Variants in XPR1 observed in about 807,000 individuals in gnomAD.
XPR1 encodes the protein xenotropic and polytropic retrovirus receptor 1.
XPR1 carries 28 observed loss-of-function variants against 87.5 expected under a neutral mutation model. The observed-to-expected ratio is 0.32, with a 90% CI of 0.24 to 0.44. The LOEUF (loss-of-function observed/expected upper bound fraction) is 0.44, where lower values mean the gene tolerates loss of function less well. Ranked by LOEUF, XPR1 falls within the 20% of genes least tolerant of loss-of-function variation. The pLI is 1.00. For missense variants in XPR1, 559 were observed against 862.3 expected, an observed-to-expected ratio of 0.65 and a Z score of 4.41; for synonymous variants, 300 against 306.1, an observed-to-expected ratio of 0.98 and a Z score of 0.21.
intron 1 of XPR1, among the ~76,000 whole-genome samples, chr1:180,642,174 T>TA (rs2101896285): frequency 6.6e-6 from 1 of 152,254 alleles, no homozygotes; most frequent in South Asian, 2.1e-4. Flanking sequence ...ACCGAGGAAT[T>TA]ATGCTGAGGC....
At chr1:180,713,417 C>A (rs1200408667) in intron 2 of XPR1, among the ~76,000 whole-genome samples, 39 of 152,084 alleles carry the variant, frequency 2.6e-4, no homozygotes, top group Admixed American at 2.6e-3. Context: ...TCTATATAGA[C>A]CAAGTGTCAT....
chr1:180,837,125 T>A (rs956178030), intron 11 of XPR1, among the ~76,000 whole-genome samples: 2 of 152,202 alleles, frequency 1.3e-5, no homozygotes, highest in African/African-American at 2.4e-5. Flanking sequence ...TAGTAAGAAT[T>A]GTTTCCAGCC....
intron 2 of XPR1, among the ~76,000 whole-genome samples, chr1:180,769,455 T>TTCTCTCTCTCTC (rs113535211): frequency 5.1e-5 from 6 of 118,682 alleles, no homozygotes; most frequent in Admixed American, 1.7e-4. Context: ...TAACCATCCT[T>TTCTCTCTCTCTC]TCTCTCTCTC....
chr1:180,664,835 G>A (rs1162875139), intron 1 of XPR1, among the ~76,000 whole-genome samples: 1 of 152,150 alleles, frequency 6.6e-6, no homozygotes, highest in Non-Finnish European at 1.5e-5. Flanking sequence ...GTTTCCGGAT[G>A]AAACTGTTCT....
At position 180,632,779 on chromosome 1, in the gene XPR1, C is replaced by T. The variant is rs985527615; in HGVS notation, c.69+509C>T. Among the ~76,000 whole-genome samples the T allele has an allele frequency of 2.6e-5, 4 of 152,352 alleles. No homozygotes were observed. The South Asian group carries it at 8.3e-4, about 32-fold the overall frequency. ...GTGATTTCCTTCATTCCAAAGAGCC[C>T]TTCGGCTTTTTCCCACTTGCCCACT... On this transcript the variant is annotated intron_variant, in intron 1 of 14. Transcript: ENST00000367590.
chr1:180,805,132 G>A (rs1649944446), intron 4 of XPR1, among the ~76,000 whole-genome samples: 2 of 152,148 alleles, frequency 1.3e-5, no homozygotes, highest in South Asian at 4.1e-4. Flanking sequence ...AAGGAAGATT[G>A]ATTAAAAGCT....
intron 1 of XPR1, among the ~76,000 whole-genome samples, chr1:180,656,644 T>A (rs1655537159): frequency 9.0e-6 from 1 of 111,712 alleles, no homozygotes; most frequent in Non-Finnish European, 1.7e-5. Context: ...TATAATATAT[T>A]ATTATATATA....
chr1:180,714,094 T>C (rs1657899200), intron 2 of XPR1, among the ~76,000 whole-genome samples: 3 of 152,212 alleles, frequency 2.0e-5, no homozygotes, highest in African/African-American at 4.8e-5. Context: ...TCAAGGAATT[T>C]GTCTATTTAA....
At chr1:180,731,224 G>T (rs10914084) in intron 2 of XPR1, among the ~76,000 whole-genome samples, 1 of 151,938 alleles carries the variant, frequency 6.6e-6, no homozygotes, top group Non-Finnish European at 1.5e-5. Flanking sequence ...AAAATAAAAA[G>T]AAGTGTTACC....
At chr1:180,824,292 T>A (rs551315921) in intron 7 of XPR1, among the ~76,000 whole-genome samples, 3 of 152,290 alleles carry the variant, frequency 2.0e-5, no homozygotes, top group East Asian at 3.9e-4. Context: ...CTTAAAATAA[T>A]CTAGGTTTGG....
intron 6 of XPR1, among the ~76,000 whole-genome samples, chr1:180,807,316 A>G (rs900255322): frequency 6.6e-6 from 1 of 152,234 alleles, no homozygotes; most frequent in Non-Finnish European, 1.5e-5. Context: ...TAGAAAATCT[A>G]GTGAATCTAT....
At chr1:180,685,437 C>A (rs1293183208) in intron 2 of XPR1, among the ~76,000 whole-genome samples, 1 of 152,118 alleles carries the variant, frequency 6.6e-6, no homozygotes, top group Non-Finnish European at 1.5e-5. Context: ...GGATATTGGT[C>A]TAAAATTCTC....
At chr1:180,644,360 C>T (rs1054564533) in intron 1 of XPR1, among the ~76,000 whole-genome samples, 3 of 150,750 alleles carry the variant, frequency 2.0e-5, no homozygotes, top group African/African-American at 7.3e-5. Context: ...TTGAGACTTT[C>T]CTTTTCCTAT....
At chr1:180,713,932 G>A (rs1657893367) in intron 2 of XPR1, among the ~76,000 whole-genome samples, 1 of 152,084 alleles carries the variant, frequency 6.6e-6, no homozygotes, top group South Asian at 2.1e-4. Context: ...GTGCGGAAGA[G>A]TTTGTATATA....
intron 2 of XPR1, among the ~76,000 whole-genome samples, chr1:180,705,278 G>T (rs1316864056): frequency 1.3e-5 from 2 of 152,164 alleles, no homozygotes; most frequent in African/African-American, 4.8e-5. Context: ...CGTGTTTCCT[G>T]ATGAGAAATT....
At chr1:180,694,754 C>T (rs192406027) in intron 2 of XPR1, among the ~76,000 whole-genome samples, 25 of 148,476 alleles carry the variant, frequency 1.7e-4, no homozygotes, top group Admixed American at 1.5e-3. Flanking sequence ...TGTGTCACCC[C>T]GACTCCTGAT....
chr1:180,756,588 T>C (rs567619139), intron 2 of XPR1, among the ~76,000 whole-genome samples: 2 of 152,340 alleles, frequency 1.3e-5, no homozygotes, highest in African/African-American at 2.4e-5. Context: ...TTTCATGTTA[T>C]TGATGGTGTC....
intron 2 of XPR1, among the ~76,000 whole-genome samples, chr1:180,715,145 G>T (rs1379557443): frequency 6.6e-6 from 1 of 152,172 alleles, no homozygotes; most frequent in Non-Finnish European, 1.5e-5. Context: ...CTAAGTATAT[G>T]GTTGTTTGAA....
intron 13 of XPR1, among the ~76,000 whole-genome samples, chr1:180,875,102 C>T (rs1302427065): frequency 1.3e-5 from 2 of 152,134 alleles, no homozygotes; most frequent in African/African-American, 2.4e-5. Flanking sequence ...AAGGAAGTCT[C>T]AACAAATTGC....
Sources: gnomAD v4.1 joint callset for allele counts (sites outside exome capture counted in the v4.1 genomes callset) on GRCh38, gnomAD v4.1.1 for gene constraint, MANE v1.5 for transcripts, NCBI Gene and HGNC (gene_info 2026-07-23, HGNC 2026-07-21) for gene names.